ULK1: variants seen among roughly 807,000 people sequenced by gnomAD.
ULK1 encodes the protein unc-51 like autophagy activating kinase 1.
ULK1 carries 48 observed loss-of-function variants against 117.5 expected under a neutral mutation model. The observed-to-expected ratio is 0.41, with a 90% CI of 0.32 to 0.52. ULK1 has a LOEUF of 0.52. Among genes scored for constraint, ULK1 ranks in the 20% least tolerant of loss-of-function variants. The pLI, the probability that ULK1 is intolerant of heterozygous loss-of-function variation, is 0.29. For synonymous variants in ULK1, 790 were observed against 637.8 expected, an observed-to-expected ratio of 1.24 and a Z score of -3.60; for missense variants, 1,387 against 1,473.4, an observed-to-expected ratio of 0.94 and a Z score of 0.96.
chr12:131,918,376 A>C, intron 22 of ULK1, 121 bp from the exon 23 acceptor site: 1 of 1,204,642 alleles, frequency 8.3e-7, no homozygotes, highest in South Asian at 1.5e-5. Flanking sequence ...ATTGGGATAT[A>C]ACAGGTGTAA....
chr12:131,908,198 G>C (rs1184265242), intron 5 of ULK1, among the ~76,000 whole-genome samples: 2 of 152,126 alleles, frequency 1.3e-5, no homozygotes, highest in Admixed American at 6.5e-5. Context: ...TGGCCCCCTC[G>C]CCTCGCCCCA....
intron 18 of ULK1, 94 bp from the exon 19 acceptor site, chr12:131,915,797 G>A: frequency 1.3e-6 from 2 of 1,527,242 alleles, no homozygotes; most frequent in Non-Finnish European, 1.8e-6. Context: ...GGGCCTTGGA[G>A]TGCGTCTACC....
At chr12:131,919,407 T>TGGGGC in intron 24 of ULK1, 23 bp downstream of exon 24, 2 of 158,930 alleles carry the variant, frequency 1.3e-5, no homozygotes, top group South Asian at 4.5e-5. Context: ...AGGGCTGGGG[T>TGGGGC]GGGGCGGGTG....
In ULK1 at chr12:131,916,069, G is replaced by T; in HGVS notation, c.1788G>T (p.Leu596=). ...GCCCTCCCCAGCCGTCCCACGGCCT[G>T]CAGTCCTGCCGGAACCTGCGGGGCT... ...QASPPQPSHG[L]QSCRNLRGSP... The change falls in exon 19 of 28, where the codon CTG becomes CTT. Residue 596 remains leucine (L), a synonymous_variant. Coordinates refer to ENST00000321867, the MANE Select transcript of ULK1 (RefSeq NM_003565.4). The T allele has an allele frequency of 6.2e-7, 1 of 1,612,360 alleles. No homozygotes were observed. The highest frequency in any genetic ancestry group is 1.1e-5 in the South Asian group (1 of 91,076).
intron 21 of ULK1, 75 bp from the exon 22 acceptor site, chr12:131,917,317 AGGCCGTGGGATGGGGGTCG>A: frequency 1.2e-5 from 7 of 562,712 alleles, no homozygotes; most frequent in Non-Finnish European, 1.5e-5. Context: ...GGGAGCTCGG[AGGCCGTGGGATGGGGGTCG>A]GGTTCGGCTC....
chr12:131,918,971 GGT>G (rs1227033983), intron 23 of ULK1, among the ~76,000 whole-genome samples: 5 of 113,284 alleles, frequency 4.4e-5, no homozygotes, highest in Non-Finnish European at 8.0e-5. Context: ...TGGGGTGCAG[GGT>G]GTGTGGGGTG....
In ULK1 at chr12:131,915,877, G is replaced by A. The variant is rs747447694; in HGVS notation, c.1610-14G>A. ...CCGGACCGGAAGGTCGTGACGAGGC[G>A]TGTCTCTCTCTAGGCTCCTCTGCAC... On this transcript the variant is annotated splice_polypyrimidine_tract_variant and intron_variant, in intron 18 of 27. Transcript: ENST00000321867. The A allele has an allele frequency of 1.2e-5, 19 of 1,607,866 alleles. No individual in the cohort carries two copies. The highest frequency in any genetic ancestry group is 3.3e-5 in the South Asian group (3 of 91,068).
rs761683794 is a variant in ULK1 at position 131,895,795 on chromosome 12, G to A, written c.217G>A (p.Glu73Lys). The A allele has an allele frequency of 2.0e-5, 32 of 1,614,194 alleles. No homozygotes were observed. In the South Asian group the frequency reaches 2.2e-4, roughly 11 times the overall value. ...EIKILKELKH[E>K]NIVALYDFQE... ...GTTTCTGTCCTAGGAACTGAAACATGAAAACATCGTGGCCCTGTACGACTT... is the reference window on the plus strand; with the variant it reads ...GTTTCTGTCCTAGGAACTGAAACATAAAAACATCGTGGCCCTGTACGACTT... Residue 73 changes from glutamate to lysine, a missense_variant, in exon 3 of 28, where the codon GAA becomes AAA. Physicochemically the swap from Glu to Lys is moderately conservative, Grantham distance 56. Transcript: ENST00000321867.
At chr12:131,904,596 C>G (rs1188613681) in intron 3 of ULK1, among the ~76,000 whole-genome samples, 4 of 152,204 alleles carry the variant, frequency 2.6e-5, no homozygotes, top group Non-Finnish European at 4.4e-5. Context: ...GGATGGGGTG[C>G]TGGGCTCCTG....
intron 16 of ULK1, 22 bp downstream of exon 16, chr12:131,914,499 A>T (rs201671578): frequency 6.2e-7 from 1 of 1,606,490 alleles, no homozygotes; most frequent in Non-Finnish European, 8.5e-7. Flanking sequence ...GCCCCCAGGT[A>T]GCCAGGCGTG....
At chr12:131,915,259 G>A (rs1424483124) in intron 17 of ULK1, 28 bp downstream of exon 17, 1 of 1,606,174 alleles carries the variant, frequency 6.2e-7, no homozygotes, top group South Asian at 1.1e-5. Flanking sequence ...GGCCTGGGAA[G>A]GGGCGTCTGT....
intron 3 of ULK1, chr12:131,897,375 T>C (rs9652059): frequency 0.63 from 95,663 of 152,152 alleles, 34,206 homozygotes; most frequent in Non-Finnish European, 0.82. Context: ...GCTAGAGTCC[T>C]GCCCCCGATC....
At position 131,916,167 on chromosome 12, in the gene ULK1, G is replaced by T. The variant is rs1486880054; in HGVS notation, c.1878+8G>T. On this transcript the variant is annotated splice_region_variant and intron_variant, in intron 19 of 27. Coordinates refer to ENST00000321867, the MANE Select transcript of ULK1 (RefSeq NM_003565.4). ...CTGGGCTCCCCCACCAAGGTAATGG[G>T]CACTGCCATGTGTGCAGGGGCACAG... 5.0e-6 allele frequency: 8 copies of T among 1,609,866 alleles called. No individual in the cohort carries two copies. The highest frequency in any genetic ancestry group is 5.9e-6 in the Non-Finnish European group (7 of 1,178,786).
Position 131,921,713 on chromosome 12 carries a change from C to T in ULK1, c.*352C>T, listed in dbSNP as rs777154532. On this transcript the variant is annotated 3_prime_UTR_variant, in exon 28 of 28. Coordinates refer to ENST00000321867, the MANE Select transcript of ULK1 (RefSeq NM_003565.4). ...GACCACTGCCGACTCAAAGCCAAAG[C>T]GAGCTCCTGCTTAGGGAAGGTCAGC... The T allele has an allele frequency of 2.2e-5, 13 of 593,108 alleles. No individual in the cohort carries two copies. Among genetic ancestry groups the T allele is most frequent in the African/African-American group, 1.5e-4 (8 of 54,784 alleles). 36.7% of individuals were successfully genotyped at this position (593,108 alleles called of 1,614,324 possible).
chr12:131,904,189 C>T (rs1424307354), intron 3 of ULK1, among the ~76,000 whole-genome samples: 1 of 152,154 alleles, frequency 6.6e-6, no homozygotes, highest in East Asian at 1.9e-4. Flanking sequence ...TTCCGTCACC[C>T]ATCCTGGAGT....
chr12:131,907,991 G>T (rs1263257007), intron 5 of ULK1, among the ~76,000 whole-genome samples: 1 of 151,342 alleles, frequency 6.6e-6, no homozygotes, highest in Admixed American at 6.6e-5. Context: ...CACAGTGCCG[G>T]CGGGCGCGGG....
At chr12:131,916,644 C>G in intron 20 of ULK1, 53 bp downstream of exon 20, 1 of 1,473,404 alleles carries the variant, frequency 6.8e-7, no homozygotes. Context: ...GCCTCTTTCC[C>G]CTGCATTGTT....
chr12:131,909,253 C>G lies in ULK1; in HGVS notation c.666+16C>G. On this transcript the variant is annotated intron_variant, in intron 8 of 27. Transcript: ENST00000321867. ...GCCCTTCCAGGTAACTGGGCTTGGC[C>G]CTGCTCCCCACGCCGCACCGTCAGT... The G allele has an allele frequency of 6.4e-7, 1 of 1,566,998 alleles. No homozygotes were observed. The highest frequency in any genetic ancestry group is 8.6e-7 in the Non-Finnish European group (1 of 1,156,892).
chr12:131,910,415 G>C, intron 11 of ULK1, 111 bp downstream of exon 11: 1 of 1,499,556 alleles, frequency 6.7e-7, no homozygotes, highest in Non-Finnish European at 9.3e-7. Flanking sequence ...CTTGAGCTGC[G>C]GCCAGCTCCC....
Sources: allele counts gnomAD v4.1 joint callset (sites outside exome capture counted in the v4.1 genomes callset), GRCh38; gene constraint gnomAD v4.1.1; transcripts MANE v1.5; gene names NCBI Gene and HGNC (gene_info 2026-07-23, HGNC 2026-07-21).